GPR34: variants seen among roughly 807,000 people sequenced by gnomAD.
The protein encoded by GPR34 is probable G protein-coupled receptor 34.
Under a neutral mutation model 14.1 loss-of-function variants are expected in GPR34, and 3 were observed. That is an observed-to-expected ratio of 0.21 (90% CI 0.10 to 0.55). The LOEUF (loss-of-function observed/expected upper bound fraction) is 0.55, where lower values mean the gene tolerates loss of function less well. GPR34 is among the 20% of genes least tolerant of loss of function. GPR34 has a pLI of 0.94. For missense variants in GPR34, 213 were observed against 292.8 expected, an observed-to-expected ratio of 0.73 and a Z score of 1.99; for synonymous variants, 99 against 99.9, an observed-to-expected ratio of 0.99 and a Z score of 0.05.
At chrX:41,692,425 C>A (rs1052423426) in intron 2 of GPR34, among the ~76,000 whole-genome samples, 2 of 111,872 alleles carry the variant, frequency 1.8e-5, no homozygotes, top group African/African-American at 6.5e-5. Context: ...TGGTGGTAGT[C>A]TCAAAAATCT....
At chrX:41,691,840 CAAAAAA>C (rs397895684) in intron 2 of GPR34, among the ~76,000 whole-genome samples, 59 of 28,480 alleles carry the variant, frequency 2.1e-3, no homozygotes, top group Non-Finnish European at 2.7e-3. Flanking sequence ...GACTCTGTCT[CAAAAAA>C]AAAAAAAAAA....
At position 41,696,133 on chromosome X, in the gene GPR34, C is replaced by A; in HGVS notation, c.500C>A (p.Thr167Lys). ...NRSIQQRKAITTKQSIYVCCI... is the reference protein window; with the variant it reads ...NRSIQQRKAIKTKQSIYVCCI... The stretch of plus-strand genomic sequence containing the variant: ...TCTATACAGCAACGGAAGGCAATAA[C>A]AACCAAACAAAGTATTTATGTCTGT... The change falls in exon 3 of 3, where the codon ACA becomes AAA. Residue 167 changes from threonine to lysine, a missense_variant. Coordinates refer to ENST00000378142, the MANE Select transcript of GPR34 (RefSeq NM_001097579.2). The A allele has an allele frequency of 8.3e-7, 1 of 1,207,107 alleles. No homozygotes were observed. Among genetic ancestry groups the A allele is most frequent in the Non-Finnish European group, 1.1e-6 (1 of 892,382 alleles).
At chrX:41,690,232 AT>A (rs2067518353) in intron 2 of GPR34, among the ~76,000 whole-genome samples, 1 of 111,638 alleles carries the variant, frequency 9.0e-6, no homozygotes, top group South Asian at 3.8e-4. Context: ...AGTTTAAAAA[AT>A]ATCAGTAAAT....
chrX:41,692,827 G>GT (rs1448812322), intron 2 of GPR34, among the ~76,000 whole-genome samples: 1 of 111,865 alleles, frequency 8.9e-6, no homozygotes, highest in Non-Finnish European at 1.9e-5. Context: ...CTAAAGATGG[G>GT]TTTTTCGTTG....
chrX:41,693,909 A>G (rs1284160888), intron 2 of GPR34, among the ~76,000 whole-genome samples: 3 of 111,637 alleles, frequency 2.7e-5, no homozygotes, highest in African/African-American at 9.8e-5. Context: ...CTCTACCAAA[A>G]TGCTTTGTTT....
chrX:41,693,252 C>T (rs533131764), intron 2 of GPR34, among the ~76,000 whole-genome samples: 3 of 111,200 alleles, frequency 2.7e-5, no homozygotes, highest in African/African-American at 6.5e-5. Flanking sequence ...CCTGGTAATG[C>T]AGGTTGCATT....
In GPR34 at chrX:41,688,992, G is replaced by A. The variant is rs2067493844; in HGVS notation, c.-265G>A. On this transcript the variant is annotated 5_prime_UTR_variant, in exon 1 of 3. Transcript: ENST00000378142. The stretch of plus-strand genomic sequence containing the variant: ...AACCCCAACCAATTGCACCACGACC[G>A]GATGGAAGAGCCCAGCTGACACAAC... The A allele has an allele frequency of 9.0e-6, 1 of 110,769 alleles. No homozygotes were observed. The highest frequency in any genetic ancestry group is 3.3e-5 in the African/African-American group (1 of 30,397). The allele number at this position is 110,769 out of a possible 1,213,427, so 9.1% of individuals were successfully genotyped here. A position where few individuals can be genotyped will look rare whatever the true frequency, so the allele number is the denominator to read the frequency against.
intron 2 of GPR34, among the ~76,000 whole-genome samples, chrX:41,694,553 A>C (rs950979603): frequency 1.8e-5 from 2 of 112,289 alleles, no homozygotes; most frequent in Non-Finnish European, 3.8e-5. Flanking sequence ...GCAAGTCTCA[A>C]ATTATTGAAC....
Position 41,696,736 on chromosome X carries a change from C to T in GPR34, c.1103C>T (p.Thr368Ile). ...AAACCAGGATACTCCCTGCATGATACATCTGTGGCAGTGAAAATACAGTCT... is the reference window on the plus strand; with the variant it reads ...AAACCAGGATACTCCCTGCATGATATATCTGTGGCAGTGAAAATACAGTCT... ...EFKPGYSLHD[T>I]SVAVKIQSSS... Residue 368 changes from threonine (T) to isoleucine (I), a missense_variant, in exon 3 of 3, where the codon ACA becomes ATA. Transcript: ENST00000378142. 2 of 1,199,453 alleles carry T rather than the reference C, an allele frequency of 1.7e-6. No homozygotes were observed. The highest frequency in any genetic ancestry group is 3.5e-5 in the African/African-American group (2 of 57,553).
intron 2 of GPR34, among the ~76,000 whole-genome samples, chrX:41,690,504 G>A (rs1268081506): frequency 1.9e-5 from 2 of 105,822 alleles, no homozygotes; most frequent in Non-Finnish European, 3.9e-5. Flanking sequence ...GTGCCACCAC[G>A]CCCTGCTAAT....
Position 41,696,136 on chromosome X carries a change from CCAAA to C in GPR34, c.508_511del (p.Gln170ValfsTer7), listed in dbSNP as rs1288503892. The stretch of plus-strand genomic sequence containing the variant: ...ATACAGCAACGGAAGGCAATAACAA[CCAAA>C]CAAAGTATTTATGTCTGTTGTATAG... On this transcript the variant is annotated frameshift_variant, in exon 3 of 3. Coordinates refer to ENST00000378142, the MANE Select transcript of GPR34 (RefSeq NM_001097579.2). LOFTEE classifies it high-confidence loss of function. The C allele has an allele frequency of 8.3e-7, 1 of 1,207,458 alleles. No homozygotes were observed.
chrX:41,690,136 A>T (rs978246297), intron 2 of GPR34, among the ~76,000 whole-genome samples: 2 of 111,873 alleles, frequency 1.8e-5, no homozygotes, highest in Non-Finnish European at 3.8e-5. Flanking sequence ...GGTCACAAGT[A>T]ATGCCCACTG....
chrX:41,696,958 G>T lies in GPR34; in HGVS notation c.*179G>T. ...AAGGTACTAACTTTTAAATCTGTATGTAAAATCTTTTCAAAATACATTTTT... is the reference window on the plus strand; with the variant it reads ...AAGGTACTAACTTTTAAATCTGTATTTAAAATCTTTTCAAAATACATTTTT... On this transcript the variant is annotated 3_prime_UTR_variant, in exon 3 of 3. Transcript: ENST00000378142. The T allele has an allele frequency of 3.0e-6, 1 of 335,637 alleles. No individual in the cohort carries two copies. The highest frequency in any genetic ancestry group is 5.3e-6 in the Non-Finnish European group (1 of 187,609). The allele number at this position is 335,637 out of a possible 1,213,427, so 27.7% of individuals were successfully genotyped here.
chrX:41,691,122 T>C (rs1247696523), intron 2 of GPR34, among the ~76,000 whole-genome samples: 1 of 112,456 alleles, frequency 8.9e-6, no homozygotes, highest in African/African-American at 3.2e-5. Flanking sequence ...TACTGACAGA[T>C]TTGTCCAACT....
chrX:41,695,310 CTTTTT>C (rs1331604938), intron 2 of GPR34, among the ~76,000 whole-genome samples: 2 of 87,761 alleles, frequency 2.3e-5, no homozygotes, highest in Non-Finnish European at 4.6e-5. Context: ...TTTACACTGT[CTTTTT>C]TTTTTTTTTT....
intron 2 of GPR34, among the ~76,000 whole-genome samples, chrX:41,694,864 GACC>G (rs2067648573): frequency 9.0e-6 from 1 of 111,625 alleles, no homozygotes; most frequent in African/African-American, 3.3e-5. Context: ...TATAGAATGA[GACC>G]ACCACAAGTC....
rs149812989 is a variant in GPR34, at chrX:41,692,154, G to C, written c.-80+2319G>C. On this transcript the variant is annotated intron_variant, in intron 2 of 2. Transcript: ENST00000378142. ...AAGTAATATAAATGTGTTTAACACA[G>C]TGTCTGGTACACAGAAAGTACTAAA... Among the ~76,000 whole-genome samples the C allele has an allele frequency of 3.3e-3, 370 of 112,286 alleles. 3 individuals carry two copies. Among genetic ancestry groups the C allele is most frequent in the African/African-American group, 0.011 (348 of 30,906 alleles).
intron 2 of GPR34, 107 bp downstream of exon 2, chrX:41,689,942 C>T (rs996025467): frequency 5.4e-5 from 6 of 111,340 alleles, no homozygotes; most frequent in African/African-American, 2.0e-4. Flanking sequence ...GGGTCCTGCC[C>T]TCTGGGTCCA....
At chrX:41,691,634 G>A in intron 2 of GPR34, among the ~76,000 whole-genome samples, 1 of 108,716 alleles carries the variant, frequency 9.2e-6, no homozygotes, top group East Asian at 2.9e-4. Flanking sequence ...AGAGGCGGGC[G>A]GAAAATGAGG....
Sources: gnomAD v4.1 joint callset for allele counts (sites outside exome capture counted in the v4.1 genomes callset) on GRCh38, gnomAD v4.1.1 for gene constraint, MANE v1.5 for transcripts, NCBI Gene and HGNC (gene_info 2026-07-23, HGNC 2026-07-21) for gene names.